Variants in EML6 observed in about 807,000 individuals in gnomAD.
EML6 encodes echinoderm microtubule-associated protein-like 6.
In EML6, 154 loss-of-function variants were observed where a neutral mutation model predicts 240.1. The observed-to-expected ratio is 0.64, with a 90% CI of 0.56 to 0.73. The LOEUF (loss-of-function observed/expected upper bound fraction) is 0.73, where lower values mean the gene tolerates loss of function less well. EML6 is among the 30% of genes least tolerant of loss of function. The pLI, the probability that EML6 is intolerant of heterozygous loss-of-function variation, is 0.00. For missense variants in EML6, 2,964 were observed against 2,474.6 expected (o/e 1.20, Z -4.20); for synonymous variants, 1,148 against 899.0 (o/e 1.28, Z -4.95).
Position 54,847,499 on chromosome 2 carries a change from G to A in EML6, c.1063G>A (p.Ala355Thr). The part of the protein sequence containing the change: ...DDRSVRLWSL[A>T]DHALIARCNM... ...TCTTGTGCCTAGGCTGTGGAGCCTG[G>A]CTGATCATGCCTTGATCGCCCGCTG... Residue 355 changes from alanine (A) to threonine (T), a missense_variant, in exon 9 of 42, where the codon GCT becomes ACT. By Grantham distance (58) the Ala-to-Thr change is moderately conservative. Coordinates refer to ENST00000356458, the MANE Select transcript of EML6 (RefSeq NM_001039753.4). 1 of 1,551,590 alleles carries A rather than the reference G, an allele frequency of 6.4e-7. No homozygotes were observed. Among genetic ancestry groups the A allele is most frequent in the Non-Finnish European group, 8.7e-7 (1 of 1,147,040 alleles).
At chr2:54,925,778 T>A (rs1383549688) in intron 26 of EML6, among the ~76,000 whole-genome samples, 2 of 152,170 alleles carry the variant, frequency 1.3e-5, no homozygotes, top group Admixed American at 6.5e-5. Context: ...CAAATTCTGT[T>A]TTTTGACACC....
chr2:54,968,900 T>G (rs1676870426), intron 41 of EML6, 132 bp downstream of exon 41: 1 of 595,296 alleles, frequency 1.7e-6, no homozygotes, highest in African/African-American at 1.9e-5. Context: ...AACAGGAAAT[T>G]CCATGAGTCC....
At chr2:54,832,001 C>T (rs1189727593) in intron 7 of EML6, among the ~76,000 whole-genome samples, 1 of 152,148 alleles carries the variant, frequency 6.6e-6, no homozygotes, top group Admixed American at 6.5e-5. Flanking sequence ...GTTTAATATG[C>T]TGGGGTTTAA....
At chr2:54,794,524 A>G (rs62136882) in intron 2 of EML6, among the ~76,000 whole-genome samples, 8,803 of 152,160 alleles carry the variant, frequency 0.058, 327 homozygotes, top group Middle Eastern at 0.14. Context: ...CTTAATTCAG[A>G]TACTTTCAGC....
At chr2:54,761,165 C>A (rs999905388) in intron 2 of EML6, among the ~76,000 whole-genome samples, 3 of 152,022 alleles carry the variant, frequency 2.0e-5, no homozygotes, top group Non-Finnish European at 2.9e-5. Context: ...ATGGTTATTT[C>A]ATCTGAGAAT....
intron 17 of EML6, among the ~76,000 whole-genome samples, chr2:54,889,885 A>T (rs1392155531): frequency 6.6e-6 from 1 of 152,240 alleles, no homozygotes; most frequent in Admixed American, 6.5e-5. Context: ...CACAAATATG[A>T]CGAATAAGCT....
At chr2:54,779,168 G>A (rs1459548864) in intron 2 of EML6, among the ~76,000 whole-genome samples, 1 of 152,110 alleles carries the variant, frequency 6.6e-6, no homozygotes, top group African/African-American at 2.4e-5. Flanking sequence ...TAGAACTAGG[G>A]AAGATAATAC....
intron 24 of EML6, among the ~76,000 whole-genome samples, chr2:54,910,224 A>T (rs891283085): frequency 6.6e-6 from 1 of 152,208 alleles, no homozygotes; most frequent in African/African-American, 2.4e-5. Context: ...CATAATATTT[A>T]AAAAATGGCA....
intron 24 of EML6, among the ~76,000 whole-genome samples, chr2:54,908,278 C>G (rs1183687107): frequency 6.6e-6 from 1 of 150,686 alleles, no homozygotes; most frequent in South Asian, 2.1e-4. Context: ...GGTGCAATCT[C>G]AGATCACTGC....
intron 11 of EML6, 112 bp downstream of exon 11, chr2:54,853,967 G>A (rs1670233353): frequency 5.4e-6 from 3 of 555,064 alleles, no homozygotes; most frequent in Admixed American, 7.9e-5. Context: ...ATTTTATCTT[G>A]TATATTCTTA....
At chr2:54,802,619 T>TACTACC (rs1558561898) in intron 2 of EML6, among the ~76,000 whole-genome samples, 1 of 11,848 alleles carries the variant, frequency 8.4e-5, no homozygotes, top group African/African-American at 5.9e-4. Flanking sequence ...CCCTGTCTCA[T>TACTACC]ACTACTACTA....
At chr2:54,856,476 A>G (rs1670386828) in intron 11 of EML6, among the ~76,000 whole-genome samples, 1 of 152,232 alleles carries the variant, frequency 6.6e-6, no homozygotes, top group Non-Finnish European at 1.5e-5. Context: ...TGTACATTTT[A>G]TGACACATGG....
At chr2:54,940,502 A>C (rs535457745) in intron 28 of EML6, among the ~76,000 whole-genome samples, 1 of 152,344 alleles carries the variant, frequency 6.6e-6, no homozygotes, top group South Asian at 2.1e-4. Context: ...TCAGTTCCCC[A>C]GTGGCTGGTA....
At chr2:54,832,113 C>T (rs1264773275) in intron 7 of EML6, among the ~76,000 whole-genome samples, 1 of 152,098 alleles carries the variant, frequency 6.6e-6, no homozygotes, top group Non-Finnish European at 1.5e-5. Context: ...AAAAGAGATG[C>T]CTTCATTCCA....
chr2:54,851,534 C>T (rs553666350), intron 10 of EML6, among the ~76,000 whole-genome samples: 2 of 152,318 alleles, frequency 1.3e-5, no homozygotes, highest in Admixed American at 6.5e-5. Context: ...TGTGGTGCAA[C>T]ACTTGTACAC....
Position 54,962,725 on chromosome 2 carries a change from T to C in EML6, c.5157+14T>C, listed in dbSNP as rs768727048. ...CTGGCTGACAAGGTGAGGCCGACTC[T>C]GCCCAAACTCAGATGCCCACGAGTG... On this transcript the variant is annotated intron_variant, in intron 36 of 41. Transcript: ENST00000356458. The C allele has an allele frequency of 8.2e-6, 12 of 1,458,614 alleles. No homozygotes were observed. In the South Asian group the frequency reaches 1.5e-4, roughly 18 times the overall value. The allele number at this position is 1,458,614 out of a possible 1,614,324, so 90.4% of individuals were successfully genotyped here.
chr2:54,770,768 C>T (rs973650239), intron 2 of EML6, among the ~76,000 whole-genome samples: 9 of 152,212 alleles, frequency 5.9e-5, no homozygotes, highest in African/African-American at 2.4e-5. Context: ...ATGTTCTTCC[C>T]CTTATTCCTG....
At chr2:54,737,958 T>A (rs1295420944) in intron 2 of EML6, among the ~76,000 whole-genome samples, 1 of 152,182 alleles carries the variant, frequency 6.6e-6, no homozygotes, top group African/African-American at 2.4e-5. Flanking sequence ...GCCTTTGTAC[T>A]CTTTTGCACT....
At chr2:54,963,903 T>G in intron 36 of EML6, 83 bp from the exon 37 acceptor site, 1 of 1,352,064 alleles carries the variant, frequency 7.4e-7, no homozygotes, top group African/African-American at 1.5e-5. Context: ...GCAGCCTGAC[T>G]TCTCTGGCCT....
Sources: allele counts gnomAD v4.1 joint callset (sites outside exome capture counted in the v4.1 genomes callset), GRCh38; gene constraint gnomAD v4.1.1; transcripts MANE v1.5; gene names NCBI Gene and HGNC (gene_info 2026-07-23, HGNC 2026-07-21).